CXCR5: variants seen among roughly 807,000 people sequenced by gnomAD.
The protein encoded by CXCR5 is C-X-C chemokine receptor type 5.
In CXCR5, 3 loss-of-function variants were observed where a neutral mutation model predicts 5.6. The ratio of observed to expected loss-of-function variants is 0.54; its 90% CI spans 0.24 to 1.39. The LOEUF is 1.39. Among genes scored for constraint, CXCR5 ranks in the 40% most tolerant of loss-of-function variants. The pLI is 0.16. For synonymous variants in CXCR5, 218 were observed against 219.9 expected (o/e 0.99, Z 0.08); for missense variants, 333 against 494.6 (o/e 0.67, Z 3.10).
At chr11:118,887,583 G>A (rs770312962) in intron 1 of CXCR5, 3 of 284,744 alleles carry the variant, frequency 1.1e-5, no homozygotes, top group Non-Finnish European at 1.6e-5. Context: ...GAAGGCTGTG[G>A]GTGCGGCAAG....
At position 118,893,544 on chromosome 11, in the gene CXCR5, G is replaced by C. The variant is rs1939844454; in HGVS notation, c.52-52G>C. On this transcript the variant is annotated intron_variant, in intron 1 of 1. Coordinates refer to ENST00000292174, the MANE Select transcript of CXCR5 (RefSeq NM_001716.5). The surrounding 1 kb of genome is among the most constrained non-coding windows in gnomAD (Gnocchi z 5.7). Reference sequence around the variant, plus strand: ...CAAGAGAGCTAGGGTTCCTCTCAGAGAGGAAAGACAGGTCCTTAGGTCCTC... The same window carrying C: ...CAAGAGAGCTAGGGTTCCTCTCAGACAGGAAAGACAGGTCCTTAGGTCCTC... 6.6e-7 allele frequency: 1 copy of C among 1,515,444 alleles called. No individual in the cohort carries two copies. Among genetic ancestry groups the C allele is most frequent in the Non-Finnish European group, 8.8e-7 (1 of 1,130,856 alleles). 93.9% of individuals were successfully genotyped at this position (1,515,444 alleles called of 1,614,324 possible).
intron 1 of CXCR5, chr11:118,887,566 T>TCAGGGACAA: frequency 2.5e-6 from 1 of 401,384 alleles, no homozygotes; most frequent in Non-Finnish European, 3.4e-6. Flanking sequence ...CTCACAGACT[T>TCAGGGACAA]GTCCCTGAAG....
chr11:118,896,812 G>A lies in CXCR5; in HGVS notation c.*2149G>A, dbSNP rs1287224189. 6.5e-6 allele frequency: 1 copy of A among 152,744 alleles called. No individual in the cohort carries two copies. The highest frequency in any genetic ancestry group is 1.5e-5 in the Non-Finnish European group (1 of 68,076). 9.5% of individuals were successfully genotyped at this position (152,744 alleles called of 1,614,324 possible). A position where few individuals can be genotyped will look rare whatever the true frequency, so the allele number is the denominator to read the frequency against. On this transcript the variant is annotated 3_prime_UTR_variant, in exon 2 of 2. Coordinates refer to ENST00000292174, the MANE Select transcript of CXCR5 (RefSeq NM_001716.5). ...AGAATGGCCCTTGGTCCTGGAGGTG[G>A]GGCGCAAAAGGCCTCAGCCAGGGAA...
chr11:118,888,301 T>C (rs1177224753), intron 1 of CXCR5, among the ~76,000 whole-genome samples: 1 of 152,196 alleles, frequency 6.6e-6, no homozygotes, highest in Non-Finnish European at 1.5e-5. Flanking sequence ...CCTCAGCTTC[T>C]GCCCAGTCCT....
rs577622941 is a variant in CXCR5 at position 118,891,400 on chromosome 11, C to T, written c.52-2196C>T. 2.6e-5 allele frequency among the ~76,000 whole-genome samples: 4 copies of T among 152,042 alleles called. No homozygotes were observed. In the South Asian group the frequency reaches 8.3e-4, roughly 32 times the overall value. ...TGTTACCCAGGCTGGAGCGTAGCAG[C>T]ATAATCATAGTTCACTGCAGTCCCA... On this transcript the variant is annotated intron_variant, in intron 1 of 1. Transcript: ENST00000292174.
At position 118,894,599 on chromosome 11, in the gene CXCR5, T is replaced by C; in HGVS notation, c.1055T>C (p.Phe352Ser). ...CTGPASLCQL[F>S]PSWRRSSLSE... ...GGCCCTGCCTCCCTGTGCCAGCTCTTCCCTAGCTGGCGCAGGAGCAGTCTC... is the reference window on the plus strand; with the variant it reads ...GGCCCTGCCTCCCTGTGCCAGCTCTCCCCTAGCTGGCGCAGGAGCAGTCTC... Residue 352 changes from phenylalanine (F) to serine (S), a missense_variant, in exon 2 of 2, where the codon TTC (phenylalanine) becomes TCC (serine). By Grantham distance (155) the Phe-to-Ser change is radical. Coordinates refer to ENST00000292174, the MANE Select transcript of CXCR5 (RefSeq NM_001716.5). This position sits in a 1 kb window ranked among gnomAD's most constrained non-coding sequence, Gnocchi z 6.1. The C allele has an allele frequency of 6.6e-7, 1 of 1,523,480 alleles. No individual in the cohort carries two copies. The highest frequency in any genetic ancestry group is 8.8e-7 in the Non-Finnish European group (1 of 1,135,548). 94.4% of individuals were successfully genotyped at this position (1,523,480 alleles called of 1,614,324 possible).
intron 1 of CXCR5, among the ~76,000 whole-genome samples, chr11:118,888,820 G>A (rs918608673): frequency 6.6e-6 from 1 of 152,208 alleles, no homozygotes; most frequent in Admixed American, 6.5e-5. Flanking sequence ...CCAAAGCTGG[G>A]CTGAGAGTGC....
chr11:118,887,453 G>A lies in CXCR5; in HGVS notation c.51+3461G>A. 4.1e-6 allele frequency: 4 copies of A among 985,162 alleles called. No individual in the cohort carries two copies. The South Asian group carries it at 1.9e-4, about 46-fold the overall frequency. The allele number at this position is 985,162 out of a possible 1,614,324, so 61.0% of individuals were successfully genotyped here. On this transcript the variant is annotated intron_variant, in intron 1 of 1. Coordinates refer to ENST00000292174, the MANE Select transcript of CXCR5 (RefSeq NM_001716.5). Reference sequence around the variant, plus strand: ...GGGGCTCCCTTAAGCCTAAAGACTTGCTGCAGAGGCTTGGAGTAGCTTAAA... The same window carrying A: ...GGGGCTCCCTTAAGCCTAAAGACTTACTGCAGAGGCTTGGAGTAGCTTAAA...
intron 1 of CXCR5, chr11:118,885,944 C>G (rs534687521): frequency 5.5e-6 from 1 of 181,840 alleles, no homozygotes; most frequent in Non-Finnish European, 1.2e-5. Flanking sequence ...ACCAGTGCCT[C>G]GTTCCCCCTT....
intron 1 of CXCR5, among the ~76,000 whole-genome samples, chr11:118,884,322 C>T (rs537459692): frequency 5.3e-5 from 8 of 152,070 alleles, no homozygotes; most frequent in Non-Finnish European, 8.8e-5. Context: ...CTCTTAGGGT[C>T]GGAATATGGA....
Position 118,896,516 on chromosome 11 carries a change from A to C in CXCR5, c.*1853A>C, listed in dbSNP as rs1320371454. ...AAGGGCACAGGGCCCAGGCTGAGGC[A>C]GGGCGGGCAAAGCGCCTGGCAGGAT... On this transcript the variant is annotated 3_prime_UTR_variant, in exon 2 of 2. Transcript: ENST00000292174. 2 of 152,942 alleles carry C rather than the reference A, an allele frequency of 1.3e-5. No homozygotes were observed. The highest frequency in any genetic ancestry group is 2.1e-4 in the South Asian group (1 of 4,840). The allele number at this position is 152,942 out of a possible 1,614,324, so 9.5% of individuals were successfully genotyped here.
intron 1 of CXCR5, among the ~76,000 whole-genome samples, chr11:118,887,933 C>T (rs144286487): frequency 3.5e-4 from 53 of 152,352 alleles, no homozygotes; most frequent in African/African-American, 1.3e-3. Flanking sequence ...TGGGGTTCGG[C>T]CTGAGTAAGC....
chr11:118,884,929 C>T (rs749859913), intron 1 of CXCR5, among the ~76,000 whole-genome samples: 4 of 152,138 alleles, frequency 2.6e-5, no homozygotes, highest in African/African-American at 7.2e-5. Context: ...TGTCTTTTCT[C>T]CCCCTGGAGA....
rs902099433 is a variant in CXCR5, at chr11:118,886,096, C to T, written c.51+2104C>T. The T allele has an allele frequency of 1.1e-4, 37 of 324,088 alleles. No homozygotes were observed. In the Admixed American group the frequency reaches 1.2e-3, roughly 11 times the overall value. The allele number at this position is 324,088 out of a possible 1,614,324, so 20.1% of individuals were successfully genotyped here. A position where few individuals can be genotyped will look rare whatever the true frequency, so the allele number is the denominator to read the frequency against. On this transcript the variant is annotated intron_variant, in intron 1 of 1. Transcript: ENST00000292174. ...AGTGTCACAGTACAAAAACCTCGGGCGTAGTGGTACAGGCAGGAGAATCTT... is the reference window on the plus strand; with the variant it reads ...AGTGTCACAGTACAAAAACCTCGGGTGTAGTGGTACAGGCAGGAGAATCTT...
At chr11:118,888,404 G>A (rs1231560112) in intron 1 of CXCR5, among the ~76,000 whole-genome samples, 1 of 152,052 alleles carries the variant, frequency 6.6e-6, no homozygotes, top group Admixed American at 6.5e-5. Context: ...AGCCCTCAGG[G>A]ACTCAAGTCT....
chr11:118,884,094 C>T, intron 1 of CXCR5, 102 bp downstream of exon 1: 1 of 1,167,348 alleles, frequency 8.6e-7, no homozygotes, highest in Non-Finnish European at 1.3e-6. Flanking sequence ...GAATCCTCTC[C>T]CACTGTGGAT....
rs527714704 is a variant in CXCR5, at chr11:118,894,940, G to C, written c.*277G>C. On this transcript the variant is annotated 3_prime_UTR_variant, in exon 2 of 2. Transcript: ENST00000292174. This position sits in a 1 kb window ranked among gnomAD's most constrained non-coding sequence, Gnocchi z 6.1. The stretch of plus-strand genomic sequence containing the variant: ...ACCCATCTGCACCCCCCTGGGCTGA[G>C]AGAACCTCACGCACCTCCCATCCTA... The C allele has an allele frequency of 3.1e-5, 12 of 388,424 alleles. No individual in the cohort carries two copies. The highest frequency in any genetic ancestry group is 5.7e-5 in the Non-Finnish European group (12 of 208,804). The allele number at this position is 388,424 out of a possible 1,614,324, so 24.1% of individuals were successfully genotyped here.
chr11:118,895,553 T>A lies in CXCR5; in HGVS notation c.*890T>A, dbSNP rs1385275468. ...GTGGAGAACTCCTAGGGTGGCTGGG[T>A]CCAGGGGATGGGAGGTTGTGGGCAT... On this transcript the variant is annotated 3_prime_UTR_variant, in exon 2 of 2. Transcript: ENST00000292174. The surrounding 1 kb of genome is among the most constrained non-coding windows in gnomAD (Gnocchi z 4.2). 1.2e-5 allele frequency: 2 copies of A among 166,984 alleles called. No homozygotes were observed. Among genetic ancestry groups the A allele is most frequent in the East Asian group, 3.9e-4 (2 of 5,184 alleles). 10.3% of individuals were successfully genotyped at this position (166,984 alleles called of 1,614,324 possible). A position where few individuals can be genotyped will look rare whatever the true frequency, so the allele number is the denominator to read the frequency against.
At position 118,894,053 on chromosome 11, in the gene CXCR5, G is replaced by T. The variant is rs1222502624; in HGVS notation, c.509G>T (p.Cys170Phe). 6.2e-7 allele frequency: 1 copy of T among 1,613,834 alleles called. No individual in the cohort carries two copies. The highest frequency in any genetic ancestry group is 8.5e-7 in the Non-Finnish European group (1 of 1,180,026). Residue 170 changes from cysteine to phenylalanine, a missense_variant, in exon 2 of 2, where the codon TGT (cysteine) becomes TTT (phenylalanine). By Grantham distance (205) the Cys-to-Phe change is radical. Transcript: ENST00000292174. This position sits in a 1 kb window ranked among gnomAD's most constrained non-coding sequence, Gnocchi z 6.1. ...CGCCTCCTCTCCATCCACATCACCT[G>T]TGGGACCATCTGGCTGGTGGGCTTC... ...HRRLLSIHITCGTIWLVGFLL... is the reference protein window; with the variant it reads ...HRRLLSIHITFGTIWLVGFLL...
Sources: gnomAD v4.1 joint callset for allele counts (sites outside exome capture counted in the v4.1 genomes callset) on GRCh38, gnomAD v4.1.1 for gene constraint, Gnocchi (gnomAD v3.1) non-coding constraint, MANE v1.5 for transcripts, NCBI Gene and HGNC (gene_info 2026-07-23, HGNC 2026-07-21) for gene names.